Variants in EFL1 observed in about 807,000 individuals in gnomAD.
The protein encoded by EFL1 is elongation factor like GTPase 1.
A neutral mutation model predicts 126.7 loss-of-function variants in EFL1; 76 were observed. That is an observed-to-expected ratio of 0.60 (90% CI 0.50 to 0.73). The LOEUF (loss-of-function observed/expected upper bound fraction) is 0.73. Among genes scored for constraint, EFL1 ranks in the 30% least tolerant of loss-of-function variants. The pLI, the probability that EFL1 is intolerant of heterozygous loss-of-function variation, is 0.00. For synonymous variants in EFL1, 410 were observed against 448.4 expected (o/e 0.91, Z 1.08); for missense variants, 1,128 against 1,343.2 (o/e 0.84, Z 2.50).
intron 15 of EFL1, among the ~76,000 whole-genome samples, chr15:82,212,470 C>G (rs58926746): frequency 1.6e-3 from 248 of 152,334 alleles, no homozygotes; most frequent in African/African-American, 5.7e-3. Flanking sequence ...TATACTCATG[C>G]TTCCTAGTCA....
chr15:82,241,970 C>T (rs1268118580), intron 4 of EFL1, among the ~76,000 whole-genome samples: 2 of 152,166 alleles, frequency 1.3e-5, no homozygotes, highest in African/African-American at 2.4e-5. Flanking sequence ...TTAATATCTC[C>T]TTCAATAGTC....
At chr15:82,260,858 G>A (rs1264488927) in intron 2 of EFL1, among the ~76,000 whole-genome samples, 1 of 152,162 alleles carries the variant, frequency 6.6e-6, no homozygotes, top group East Asian at 1.9e-4. Flanking sequence ...CTTCAGGATG[G>A]TAAATATGTT....
intron 15 of EFL1, among the ~76,000 whole-genome samples, chr15:82,207,465 G>A (rs1159045762): frequency 2.0e-5 from 3 of 151,828 alleles, no homozygotes; most frequent in Non-Finnish European, 4.4e-5. Flanking sequence ...ATTCAAAGAA[G>A]GGATTGTCTC....
intron 15 of EFL1, among the ~76,000 whole-genome samples, chr15:82,169,801 T>G (rs1038824034): frequency 2.0e-4 from 30 of 152,152 alleles, no homozygotes; most frequent in African/African-American, 7.0e-4. Flanking sequence ...TTTCAATGAG[T>G]TCAGTTTTAA....
chr15:82,153,804 C>A (rs2073938732), intron 17 of EFL1, among the ~76,000 whole-genome samples: 1 of 152,084 alleles, frequency 6.6e-6, no homozygotes, highest in Admixed American at 6.5e-5. Context: ...ATCTATGTAG[C>A]CACTTTTAAA....
At chr15:82,244,685 T>C (rs1461265297) in intron 4 of EFL1, among the ~76,000 whole-genome samples, 1 of 152,174 alleles carries the variant, frequency 6.6e-6, no homozygotes, top group African/African-American at 2.4e-5. Context: ...CTGCTGCTAA[T>C]AGGGAGTTAT....
intron 15 of EFL1, among the ~76,000 whole-genome samples, chr15:82,169,022 T>C (rs375405299): frequency 2.4e-4 from 37 of 152,212 alleles, no homozygotes; most frequent in African/African-American, 8.2e-4. Context: ...TCCCAATTTA[T>C]GCCCCAAGAA....
At chr15:82,150,246 GA>G (rs889460491) in intron 18 of EFL1, among the ~76,000 whole-genome samples, 13 of 151,400 alleles carry the variant, frequency 8.6e-5, no homozygotes, top group Non-Finnish European at 1.5e-4. Context: ...TTTCTTTTGG[GA>G]AAAAAAACAA....
chr15:82,141,675 AAAAAAAAAAACC>A (rs1229028466), intron 18 of EFL1, among the ~76,000 whole-genome samples: 1 of 143,080 alleles, frequency 7.0e-6, no homozygotes, highest in Non-Finnish European at 1.6e-5. Flanking sequence ...CTCGGTCTCC[AAAAAAAAAAACC>A]AAAAAAAAAA....
At chr15:82,258,701 AC>A (rs1348395679) in intron 3 of EFL1, among the ~76,000 whole-genome samples, 2 of 152,208 alleles carry the variant, frequency 1.3e-5, no homozygotes, top group Non-Finnish European at 2.9e-5. Flanking sequence ...CTCTAGGCAA[AC>A]ACTCCACTCA....
chr15:82,144,290 C>T (rs1037750258), intron 18 of EFL1, among the ~76,000 whole-genome samples: 8 of 149,890 alleles, frequency 5.3e-5, no homozygotes, highest in African/African-American at 2.0e-4. Context: ...TCATGCTGAA[C>T]AGCAGTTCCT....
intron 12 of EFL1, among the ~76,000 whole-genome samples, chr15:82,222,778 G>T (rs143945997): frequency 6.6e-6 from 1 of 152,206 alleles, no homozygotes; most frequent in Non-Finnish European, 1.5e-5. Context: ...GGAAACAGTT[G>T]TGAGTGTTAA....
At chr15:82,159,977 A>AG (rs2074006087) in intron 16 of EFL1, 1 of 152,294 alleles carries the variant, frequency 6.6e-6, no homozygotes, top group Admixed American at 6.5e-5. Context: ...ACCTTCAAAA[A>AG]GAAGGAAGCA....
intron 17 of EFL1, among the ~76,000 whole-genome samples, chr15:82,155,127 T>A (rs1282694703): frequency 6.6e-6 from 1 of 152,224 alleles, no homozygotes; most frequent in African/African-American, 2.4e-5. Context: ...TAGAATTCCA[T>A]TGTATGAATA....
chr15:82,255,269 T>C (rs1358218604), intron 3 of EFL1, among the ~76,000 whole-genome samples: 1 of 152,230 alleles, frequency 6.6e-6, no homozygotes, highest in Non-Finnish European at 1.5e-5. Context: ...AAGTATCCTT[T>C]TGTAAGTTTT....
chr15:82,219,982 T>C lies in EFL1; in HGVS notation c.1444+96A>G, dbSNP rs532108600. 11 of 1,503,784 alleles carry C rather than the reference T, an allele frequency of 7.3e-6. No homozygotes were observed. The South Asian group carries it at 1.5e-4, about 21-fold the overall frequency. 93.2% of individuals were successfully genotyped at this position (1,503,784 alleles called of 1,614,324 possible). ...GAAAGAATATTGATAAAAACTACGA[T>C]TAAAGCTTAAAAATCTCAAGAACTA... On this transcript the variant is annotated intron_variant, in intron 13 of 19. Transcript: ENST00000268206.
chr15:82,220,741 G>A (rs1042488637), intron 12 of EFL1, among the ~76,000 whole-genome samples: 9 of 151,850 alleles, frequency 5.9e-5, no homozygotes, highest in African/African-American at 2.2e-4. Context: ...GGCAGTGTGT[G>A]GGTGTGTATG....
intron 15 of EFL1, among the ~76,000 whole-genome samples, chr15:82,197,623 T>A (rs920299864): frequency 1.3e-5 from 2 of 152,022 alleles, no homozygotes; most frequent in African/African-American, 4.8e-5. Context: ...CAACCAAAGG[T>A]GTCATAACTC....
In EFL1 at chr15:82,148,377, C is replaced by CAA. The variant is rs547889990; in HGVS notation, c.2989+3086_2989+3087dup. Among the ~76,000 whole-genome samples the CAA allele has an allele frequency of 4.3e-3, 407 of 94,266 alleles. 5 individuals are homozygous for CAA. Among genetic ancestry groups the CAA allele is most frequent in the Middle Eastern group, 0.012 (2 of 172 alleles). 61.8% of individuals were successfully genotyped at this position (94,266 alleles called of 152,430 possible). ...TAGGTGACAGAGTGAGAATCCATCT[C>CAA]AAAAAAAAAAAAAAAAAAGTTTCAA... is the stretch of plus-strand genomic sequence containing the variant. On this transcript the variant is annotated intron_variant, in intron 18 of 19. Transcript: ENST00000268206.
Sources: gnomAD v4.1 joint callset for allele counts (sites outside exome capture counted in the v4.1 genomes callset) on GRCh38, gnomAD v4.1.1 for gene constraint, MANE v1.5 for transcripts, NCBI Gene and HGNC (gene_info 2026-07-23, HGNC 2026-07-21) for gene names.